The following FOXP2 variants were observed in gnomAD, a reference collection of about 807,000 sequenced individuals.
FOXP2 encodes the protein forkhead box protein P2.
Under a neutral mutation model 115.8 loss-of-function variants are expected in FOXP2, and 12 were observed. The ratio of observed to expected loss-of-function variants is 0.10; its 90% confidence interval spans 0.07 to 0.17. FOXP2 has a LOEUF of 0.17. FOXP2 is among the 10% of genes least tolerant of loss of function. FOXP2 has a pLI of 1.00. For missense variants in FOXP2, 629 were observed against 843.5 expected (o/e 0.75, Z 3.15); for synonymous variants, 328 against 297.7 (o/e 1.10, Z -1.05).
At chr7:114,449,999 A>G (rs1389396603) in intron 2 of FOXP2, among the ~76,000 whole-genome samples, 1 of 152,078 alleles carries the variant, frequency 6.6e-6, no homozygotes, top group Non-Finnish European at 1.5e-5. Context: ...TAAATTGCAA[A>G]TTAATATAAA....
chr7:114,337,202 C>T (rs72603563), intron 2 of FOXP2, among the ~76,000 whole-genome samples: 6,405 of 151,338 alleles, frequency 0.042, 316 homozygotes, highest in East Asian at 0.25. Context: ...GAGAGGGTGA[C>T]CTTTTTTCCA....
rs1417154699 is a variant in FOXP2 at position 114,313,602 on chromosome 7, G to A, written c.-11+25493G>A. Among the ~76,000 whole-genome samples the A allele has an allele frequency of 2.7e-4, 28 of 102,596 alleles. 8 individuals carry two copies. The highest frequency in any genetic ancestry group is 4.9e-4 in the Non-Finnish European group (27 of 55,610). 67.3% of individuals were successfully genotyped at this position (102,596 alleles called of 152,430 possible). A position where few individuals can be genotyped will look rare whatever the true frequency, so the allele number is the denominator to read the frequency against. On this transcript the variant is annotated intron_variant, in intron 2 of 17. Transcript: ENST00000634411. ...CTACTAAAAATACAAAAAATTAGCC[G>A]GGCGTAGTGGCGGGCGCCTGTAGTC...
intron 3 of FOXP2, among the ~76,000 whole-genome samples, chr7:114,605,959 A>G (rs2129315839): frequency 6.6e-6 from 1 of 152,304 alleles, no homozygotes; most frequent in Admixed American, 6.5e-5. Context: ...AGACATTAGA[A>G]GCCTGGAGAC....
At chr7:114,115,586 T>G (rs1057143210) in intron 1 of FOXP2, among the ~76,000 whole-genome samples, 1 of 152,146 alleles carries the variant, frequency 6.6e-6, no homozygotes, top group Non-Finnish European at 1.5e-5. Context: ...CCAGGAATAT[T>G]GGCTGTTGAT....
rs529325996 is a variant in FOXP2, at chr7:114,120,527, C to G, written c.-247+32689C>G. The stretch of plus-strand genomic sequence containing the variant: ...AAGCTGCCACAGTAATCCATGTGAG[C>G]AAAATGAAGGACTTGAACTAGAAAG... On this transcript the variant is annotated intron_variant, in intron 1 of 19. Transcript: ENST00000635638. Among the ~76,000 whole-genome samples the G allele has an allele frequency of 6.6e-5, 10 of 152,020 alleles. No homozygotes were observed. In the South Asian group the frequency reaches 2.1e-3, roughly 32 times the overall value.
chr7:114,545,326 T>C (rs1799862259), intron 3 of FOXP2, among the ~76,000 whole-genome samples: 1 of 152,202 alleles, frequency 6.6e-6, no homozygotes, highest in Non-Finnish European at 1.5e-5. Flanking sequence ...TATATATTTA[T>C]TGTCTAAATC....
At chr7:114,103,894 C>G (rs1791048614) in intron 1 of FOXP2, among the ~76,000 whole-genome samples, 3 of 151,994 alleles carry the variant, frequency 2.0e-5, no homozygotes, top group African/African-American at 7.2e-5. Flanking sequence ...CAATCTCCCC[C>G]TTTGAATTCA....
chr7:114,586,680 A>T (rs1802151865), intron 3 of FOXP2, among the ~76,000 whole-genome samples: 1 of 152,076 alleles, frequency 6.6e-6, no homozygotes. Context: ...CTGTTTCTTT[A>T]TTCTGAAATG....
intron 10 of FOXP2, among the ~76,000 whole-genome samples, chr7:114,655,479 C>T (rs1033351932): frequency 2.6e-5 from 4 of 151,940 alleles, no homozygotes; most frequent in African/African-American, 7.3e-5. Flanking sequence ...CTTAGATGAG[C>T]GATTTAAAAT....
At chr7:114,438,331 G>T (rs1794443933) in intron 2 of FOXP2, among the ~76,000 whole-genome samples, 1 of 151,958 alleles carries the variant, frequency 6.6e-6, no homozygotes, top group Admixed American at 6.6e-5. Flanking sequence ...TGTTCTGCAG[G>T]TCCCCTATAA....
intron 1 of FOXP2, among the ~76,000 whole-genome samples, chr7:114,164,303 G>GT (rs899109529): frequency 4.7e-5 from 7 of 149,960 alleles, no homozygotes; most frequent in Non-Finnish European, 7.4e-5. Context: ...TTTTTTGTTT[G>GT]TTTTTTTCGT....
upstream of FOXP2, among the ~76,000 whole-genome samples, chr7:114,409,723 A>AT (rs1793120341): frequency 6.6e-6 from 1 of 152,090 alleles, no homozygotes; most frequent in Non-Finnish European, 1.5e-5. Flanking sequence ...TTTCCAATTG[A>AT]TTTTGGCTTT....
chr7:114,439,741 G>C (rs1794517499), intron 2 of FOXP2, among the ~76,000 whole-genome samples: 1 of 151,862 alleles, frequency 6.6e-6, no homozygotes, highest in African/African-American at 2.4e-5. Context: ...ATAGATGTGT[G>C]TGTGTGTGTG....
chr7:114,278,055 A>T (rs1039541701), intron 1 of FOXP2, among the ~76,000 whole-genome samples: 2 of 149,118 alleles, frequency 1.3e-5, no homozygotes, highest in South Asian at 2.1e-4. Flanking sequence ...AAAAGAATTC[A>T]TCCGGGATAT....
intron 1 of FOXP2, among the ~76,000 whole-genome samples, chr7:114,271,581 TTAA>T (rs1280447988): frequency 1.6e-5 from 2 of 125,368 alleles, no homozygotes; most frequent in African/African-American, 3.0e-5. Flanking sequence ...AATTTATATA[TTAA>T]TATTATTATA....
intron 2 of FOXP2, among the ~76,000 whole-genome samples, chr7:114,320,486 A>G (rs1046910843): frequency 6.6e-6 from 1 of 152,116 alleles, no homozygotes; most frequent in Non-Finnish European, 1.5e-5. Context: ...CCATGTCACT[A>G]TATTGTAACT....
chr7:114,525,824 A>T lies in FOXP2; in HGVS notation c.169-8793A>T, dbSNP rs74396148. ...CTCAATTTTCTTATTAAAACTTACGATTTTTGGCCAGGCGTGGTGGCCCAT... is the reference window on the plus strand; with the variant it reads ...CTCAATTTTCTTATTAAAACTTACGTTTTTTGGCCAGGCGTGGTGGCCCAT... On this transcript the variant is annotated intron_variant, in intron 2 of 16. Coordinates refer to ENST00000350908, the MANE Select transcript of FOXP2 (RefSeq NM_014491.4). Among the ~76,000 whole-genome samples the T allele has an allele frequency of 8.6e-3, 1,309 of 152,000 alleles. 15 individuals carry two copies. The highest frequency in any genetic ancestry group is 0.03 in the African/African-American group (1,249 of 41,464).
intron 1 of FOXP2, among the ~76,000 whole-genome samples, chr7:114,216,839 T>G (rs1039491177): frequency 6.6e-6 from 1 of 152,172 alleles, no homozygotes; most frequent in African/African-American, 2.4e-5. Context: ...ATGAAGCAAA[T>G]GGATTACTAA....
intron 16 of FOXP2, among the ~76,000 whole-genome samples, chr7:114,685,312 A>G (rs1411949419): frequency 6.6e-6 from 1 of 152,152 alleles, no homozygotes; most frequent in Non-Finnish European, 1.5e-5. Context: ...TCTTTAATAC[A>G]TAGTATTAGT....
Sources: allele counts gnomAD v4.1 joint callset (sites outside exome capture counted in the v4.1 genomes callset), GRCh38; gene constraint gnomAD v4.1.1; transcripts MANE v1.5; gene names NCBI Gene and HGNC (gene_info 2026-07-23, HGNC 2026-07-21).